FGF14: variants seen among roughly 807,000 people sequenced by gnomAD.
The protein encoded by FGF14 is fibroblast growth factor homologous factor 4.
In FGF14, 5 loss-of-function variants were observed where a neutral mutation model predicts 25.5. The ratio of observed to expected loss-of-function variants is 0.20; its 90% CI spans 0.10 to 0.41. FGF14 has a LOEUF of 0.41. Among genes scored for constraint, FGF14 ranks in the 10% least tolerant of loss-of-function variants. The pLI is 1.00. For missense variants in FGF14, 222 were observed against 320.1 expected, an observed-to-expected ratio of 0.69 and a Z score of 2.34; for synonymous variants, 138 against 118.3, an observed-to-expected ratio of 1.17 and a Z score of -1.08.
At chr13:102,071,794 G>T (rs1024179811) in intron 1 of FGF14, among the ~76,000 whole-genome samples, 1 of 152,068 alleles carries the variant, frequency 6.6e-6, no homozygotes, top group African/African-American at 2.4e-5. Context: ...CATCATTCAA[G>T]ATGTAACTAT....
At chr13:102,349,127 G>A (rs2057199143) in intron 1 of FGF14, among the ~76,000 whole-genome samples, 2 of 152,144 alleles carry the variant, frequency 1.3e-5, no homozygotes, top group Admixed American at 6.5e-5. Context: ...GCAATTCACA[G>A]GAAAGCTCCC....
chr13:101,770,509 T>G (rs9585778), intron 3 of FGF14, among the ~76,000 whole-genome samples: 2,122 of 152,232 alleles, frequency 0.014, 57 homozygotes, highest in African/African-American at 0.047. Context: ...ATACTAGTAT[T>G]AGTCCTATTA....
intron 3 of FGF14, among the ~76,000 whole-genome samples, chr13:101,841,812 G>A (rs1474004728): frequency 6.6e-6 from 1 of 151,790 alleles, no homozygotes; most frequent in Non-Finnish European, 1.5e-5. Flanking sequence ...TTGATCATCT[G>A]TGTCCCTGAA....
At chr13:101,908,470 A>T (rs2032517936) in intron 1 of FGF14, among the ~76,000 whole-genome samples, 1 of 152,212 alleles carries the variant, frequency 6.6e-6, no homozygotes, top group Non-Finnish European at 1.5e-5. Flanking sequence ...TGTTGTGAAG[A>T]TTAAATAGTA....
intron 1 of FGF14, among the ~76,000 whole-genome samples, chr13:102,089,270 C>T (rs974114982): frequency 3.9e-5 from 6 of 152,074 alleles, no homozygotes; most frequent in African/African-American, 1.4e-4. Flanking sequence ...TTGTTTAGCT[C>T]CTATGTAAAA....
At chr13:101,949,640 C>A (rs551444248) in intron 1 of FGF14, among the ~76,000 whole-genome samples, 2 of 152,058 alleles carry the variant, frequency 1.3e-5, no homozygotes, top group African/African-American at 4.8e-5. Context: ...TTCCCAAATG[C>A]CTATATTTTC....
chr13:101,870,593 T>C (rs1448520451), intron 2 of FGF14, among the ~76,000 whole-genome samples: 4 of 152,168 alleles, frequency 2.6e-5, no homozygotes, highest in East Asian at 3.9e-4. Context: ...AAAAATTATA[T>C]AAGATAGTTT....
chr13:101,803,128 C>CTTTT (rs538040504), intron 3 of FGF14, among the ~76,000 whole-genome samples: 2 of 132,978 alleles, frequency 1.5e-5, no homozygotes, highest in Non-Finnish European at 3.2e-5. Flanking sequence ...CATTTTGAAA[C>CTTTT]TTTTTTTTTT....
At chr13:102,136,305 TATC>T (rs1416906985) in intron 1 of FGF14, among the ~76,000 whole-genome samples, 1 of 152,176 alleles carries the variant, frequency 6.6e-6, no homozygotes, top group Non-Finnish European at 1.5e-5. Context: ...AAGTAAGTGT[TATC>T]ATCATAATTA....
At chr13:101,902,570 T>A (rs2031709113) in intron 1 of FGF14, among the ~76,000 whole-genome samples, 1 of 152,222 alleles carries the variant, frequency 6.6e-6, no homozygotes, top group African/African-American at 2.4e-5. Context: ...TATTAACTCA[T>A]ATGTTTAATC....
At chr13:102,226,125 G>A (rs962776121) in intron 1 of FGF14, among the ~76,000 whole-genome samples, 6 of 152,242 alleles carry the variant, frequency 3.9e-5, no homozygotes, top group African/African-American at 7.2e-5. Flanking sequence ...CAGCTGGCCC[G>A]TCCCTTACAG....
intron 1 of FGF14, among the ~76,000 whole-genome samples, chr13:102,063,640 A>T (rs1737830136): frequency 6.6e-6 from 1 of 152,140 alleles, no homozygotes; most frequent in African/African-American, 2.4e-5. Flanking sequence ...TCGCAATGCT[A>T]AAACATTAAC....
intron 3 of FGF14, among the ~76,000 whole-genome samples, chr13:101,858,759 A>G (rs867691181): frequency 6.6e-6 from 1 of 152,178 alleles, no homozygotes; most frequent in Non-Finnish European, 1.5e-5. Context: ...GAAAGAAAAT[A>G]TAAAACCAAA....
chr13:102,378,867 A>G (rs1275111592), intron 1 of FGF14, among the ~76,000 whole-genome samples: 1 of 152,116 alleles, frequency 6.6e-6, no homozygotes, highest in African/African-American at 2.4e-5. Context: ...AAGTAAGACA[A>G]TGAAAACACA....
chr13:101,732,236 T>TA (rs1566829729), intron 3 of FGF14, among the ~76,000 whole-genome samples: 1 of 152,214 alleles, frequency 6.6e-6, no homozygotes, highest in East Asian at 1.9e-4. Context: ...ACCTTGGTGT[T>TA]ATCTAAGACT....
At chr13:102,109,490 A>T (rs2045106808) in intron 1 of FGF14, among the ~76,000 whole-genome samples, 1 of 152,222 alleles carries the variant, frequency 6.6e-6, no homozygotes, top group Non-Finnish European at 1.5e-5. Context: ...TATAATGTGT[A>T]TATATATCAA....
rs181127888 is a variant in FGF14, at chr13:102,108,864, G to A, written c.209-233568C>T. 2.0e-3 allele frequency among the ~76,000 whole-genome samples: 299 copies of A among 152,256 alleles called. 11 individuals carry two copies. In the South Asian group the frequency reaches 0.059, roughly 30 times the overall value. Reference sequence around the variant, plus strand: ...AGACTCAGAACATGTCACACAATAAGATGTTTCAACTTAACACATATTGTC... The same window carrying A: ...AGACTCAGAACATGTCACACAATAAAATGTTTCAACTTAACACATATTGTC... On this transcript the variant is annotated intron_variant, in intron 1 of 4. Coordinates refer to the FGF14 transcript ENST00000376131.
chr13:102,373,963 C>T (rs1415380552), intron 1 of FGF14, among the ~76,000 whole-genome samples: 3 of 152,008 alleles, frequency 2.0e-5, no homozygotes, highest in African/African-American at 4.8e-5. Flanking sequence ...TAAAACTTGC[C>T]AACTCATTCT....
chr13:101,846,121 T>C (rs952248494), intron 3 of FGF14, among the ~76,000 whole-genome samples: 2 of 152,000 alleles, frequency 1.3e-5, no homozygotes, highest in Admixed American at 6.6e-5. Context: ...GTTTTAAAAC[T>C]AGTAATAATT....
Sources: allele counts gnomAD v4.1 joint callset (sites outside exome capture counted in the v4.1 genomes callset), GRCh38; gene constraint gnomAD v4.1.1; transcripts MANE v1.5; gene names NCBI Gene and HGNC (gene_info 2026-07-23, HGNC 2026-07-21).